SEMA4A: variants seen among roughly 807,000 people sequenced by gnomAD.
SEMA4A encodes semaphorin 4A, also known as semaphorin-4A.
In SEMA4A, 52 loss-of-function variants were observed where a neutral mutation model predicts 72.5. That is an observed-to-expected ratio of 0.72 (90% CI 0.57 to 0.90). The LOEUF is 0.90. Ranked by LOEUF, SEMA4A falls within the 40% of genes least tolerant of loss-of-function variation. SEMA4A has a pLI of 0.00. For missense variants in SEMA4A, 926 were observed against 959.7 expected, an observed-to-expected ratio of 0.96 and a Z score of 0.46; for synonymous variants, 369 against 393.1, an observed-to-expected ratio of 0.94 and a Z score of 0.73.
intron 10 of SEMA4A, among the ~76,000 whole-genome samples, chr1:156,164,164 A>C (rs1653950530): frequency 6.6e-6 from 1 of 152,184 alleles, no homozygotes; most frequent in Admixed American, 6.5e-5. Flanking sequence ...AATCAAATAG[A>C]TCTAAAATGA....
rs1444456471 is a variant in SEMA4A, at chr1:156,162,833, C to G, written c.984-111C>G. On this transcript the variant is annotated intron_variant, in intron 9 of 14. Transcript: ENST00000368285. ...GAAGGAGTGGTAGCTGGAGGCTGGC[C>G]CAGCTCTCCACACTCTTGCCTCCTG... 4 of 1,365,564 alleles carry G rather than the reference C, an allele frequency of 2.9e-6. No homozygotes were observed. In the Admixed American group the frequency reaches 6.9e-5, roughly 24 times the overall value. The allele number at this position is 1,365,564 out of a possible 1,614,324, so 84.6% of individuals were successfully genotyped here. A position where few individuals can be genotyped will look rare whatever the true frequency, so the allele number is the denominator to read the frequency against.
chr1:156,163,388 T>G, intron 10 of SEMA4A: 1 of 415,648 alleles, frequency 2.4e-6, no homozygotes, highest in Non-Finnish European at 4.5e-6. Flanking sequence ...AAGGACTGTC[T>G]TGGGCATTGC....
chr1:156,175,550 T>C lies in SEMA4A; in HGVS notation c.1593-6T>C, dbSNP rs1019235612. 1.9e-6 allele frequency: 3 copies of C among 1,609,790 alleles called. No individual in the cohort carries two copies. Among genetic ancestry groups the C allele is most frequent in the Admixed American group, 1.7e-5 (1 of 59,814 alleles). ...AGGATAATTTTTACTTTCTCTGCTC[T>C]CTTAGGAACTCCTGGAAGCAGGACA... On this transcript the variant is annotated splice_region_variant and splice_polypyrimidine_tract_variant and intron_variant, in intron 13 of 14. Transcript: ENST00000368285.
Position 156,160,485 on chromosome 1 carries a change from G to GT in SEMA4A, c.612dup (p.Glu205Ter). 6.2e-7 allele frequency: 1 copy of GT among 1,614,108 alleles called. No individual in the cohort carries two copies. Among genetic ancestry groups the GT allele is most frequent in the Non-Finnish European group, 8.5e-7 (1 of 1,180,006 alleles). On this transcript the variant is annotated frameshift_variant, in exon 7 of 15. Transcript: ENST00000368285. LOFTEE classifies it high-confidence loss of function. ...GGTACTATGAACAACTTCCTGGGCA[G>GT]TGAGCCCATCCTGATGCGCACACTG...
intron 10 of SEMA4A, among the ~76,000 whole-genome samples, chr1:156,164,837 G>A (rs1216685893): frequency 3.3e-5 from 5 of 151,732 alleles, no homozygotes; most frequent in African/African-American, 9.7e-5. Flanking sequence ...GTCTCACTCT[G>A]TCGCCCAAGC....
At chr1:156,174,799 C>A in intron 11 of SEMA4A, 23 bp from the exon 12 acceptor site, 1 of 1,614,108 alleles carries the variant, frequency 6.2e-7, no homozygotes, top group Non-Finnish European at 8.5e-7. Context: ...GAGATGACTT[C>A]CACTCTCTCT....
chr1:156,161,321 C>G (rs1490614483), intron 8 of SEMA4A, 25 bp from the exon 9 acceptor site: 3 of 1,551,716 alleles, frequency 1.9e-6, no homozygotes, highest in Non-Finnish European at 2.6e-6. Context: ...CCCGGGGCGC[C>G]CCCTGACTCC....
intron 10 of SEMA4A, among the ~76,000 whole-genome samples, chr1:156,170,798 G>A (rs1282065251): frequency 6.6e-6 from 1 of 151,688 alleles, no homozygotes; most frequent in African/African-American, 2.4e-5. Context: ...GCACACACCT[G>A]TGGTTCCAGC....
chr1:156,177,452 C>A lies in SEMA4A; in HGVS notation c.*455C>A, dbSNP rs1410894917. ...GAAGCTGCCGCTTTGGACACCAACA[C>A]TCCCTTCTCCCAGGGTCATGCAGGG... On this transcript the variant is annotated 3_prime_UTR_variant, in exon 15 of 15. Coordinates refer to ENST00000368285, the MANE Select transcript of SEMA4A (RefSeq NM_022367.4). 3.7e-6 allele frequency: 1 copy of A among 271,300 alleles called. No homozygotes were observed. Among genetic ancestry groups the A allele is most frequent in the Non-Finnish European group, 7.2e-6 (1 of 137,974 alleles). The allele number at this position is 271,300 out of a possible 1,614,324, so 16.8% of individuals were successfully genotyped here. A position where few individuals can be genotyped will look rare whatever the true frequency, so the allele number is the denominator to read the frequency against.
At chr1:156,169,005 T>A (rs191471329) in intron 10 of SEMA4A, among the ~76,000 whole-genome samples, 9 of 152,300 alleles carry the variant, frequency 5.9e-5, no homozygotes, top group Admixed American at 2.6e-4. Flanking sequence ...CCTGCTATCC[T>A]CCATCCAGAA....
chr1:156,159,031 C>CAA (rs34840198), intron 6 of SEMA4A: 1,852 of 286,610 alleles, frequency 6.5e-3, no homozygotes, highest in Middle Eastern at 0.011. Flanking sequence ...GAGATCGTCT[C>CAA]AAAAAAAAAA....
At position 156,174,957 on chromosome 1, in the gene SEMA4A, C is replaced by T; in HGVS notation, c.1434+17C>T. On this transcript the variant is annotated intron_variant, in intron 12 of 14. Transcript: ENST00000368285. ...CCCACCCAGGTGGGAAGGGACCTGACCATCAAATGGCCTTCCAGTGGGGCT... is the reference window on the plus strand; with the variant it reads ...CCCACCCAGGTGGGAAGGGACCTGATCATCAAATGGCCTTCCAGTGGGGCT... 6.2e-7 allele frequency: 1 copy of T among 1,614,232 alleles called. No homozygotes were observed. The highest frequency in any genetic ancestry group is 8.5e-7 in the Non-Finnish European group (1 of 1,180,036).
At chr1:156,173,522 A>C (rs1655005537) in intron 11 of SEMA4A, among the ~76,000 whole-genome samples, 1 of 152,034 alleles carries the variant, frequency 6.6e-6, no homozygotes, top group Admixed American at 6.6e-5. Context: ...AGATGGGTAG[A>C]AGAAGGGATA....
chr1:156,167,997 T>C (rs1470868562), intron 10 of SEMA4A, among the ~76,000 whole-genome samples: 1 of 152,204 alleles, frequency 6.6e-6, no homozygotes, highest in Non-Finnish European at 1.5e-5. Flanking sequence ...CTTAGCTCAC[T>C]GCAACCTCCA....
At chr1:156,175,308 T>A in intron 13 of SEMA4A, 65 bp downstream of exon 13, 4 of 1,532,348 alleles carry the variant, frequency 2.6e-6, no homozygotes, top group Non-Finnish European at 3.6e-6. Context: ...CAGCTTCTGC[T>A]ACTGTTCTTC....
chr1:156,174,932 C>T lies in SEMA4A; in HGVS notation c.1426C>T (p.Pro476Ser), dbSNP rs752357615. ...PEPVRNLQLA[P>S]TQGAVFVGFS... is the part of the protein sequence containing the mutation. ...ACCTGTTCGCAACCTGCAGCTGGCC[C>T]CCACCCAGGTGGGAAGGGACCTGAC... The change falls in exon 12 of 15, where the codon CCC (proline) becomes TCC (serine). Residue 476 changes from proline (P) to serine (S), a missense_variant. Transcript: ENST00000368285. The T allele has an allele frequency of 6.2e-7, 1 of 1,614,098 alleles. No individual in the cohort carries two copies.
Position 156,172,972 on chromosome 1 carries a change from T to G in SEMA4A, c.1281T>G (p.Asp427Glu). The change falls in exon 11 of 15, where the codon GAT becomes GAG. Residue 427 changes from aspartate (D) to glutamate (E), a missense_variant. Transcript: ENST00000368285. ...CAGTGGAGACAGCCCAGGGCCTTGA[T>G]GGGCACAGCCATCTTGTCATGTACC... ...RLAVETAQGL[D>E]GHSHLVMYLG... 1 of 1,614,104 alleles carries G rather than the reference T, an allele frequency of 6.2e-7. No individual in the cohort carries two copies. The highest frequency in any genetic ancestry group is 8.5e-7 in the Non-Finnish European group (1 of 1,179,942).
rs1459808683 is a variant in SEMA4A at position 156,158,794 on chromosome 1, C to T, written c.538C>T (p.Pro180Ser). The T allele has an allele frequency of 1.9e-6, 3 of 1,613,860 alleles. No individual in the cohort carries two copies. The highest frequency in any genetic ancestry group is 2.5e-6 in the Non-Finnish European group (3 of 1,179,950). The change falls in exon 6 of 15, where the codon CCC (proline) becomes TCC (serine). Residue 180 changes from proline to serine, a missense_variant. Coordinates refer to ENST00000368285, the MANE Select transcript of SEMA4A (RefSeq NM_022367.4). Reference sequence around the variant, plus strand: ...GGGAAAAGGCCAAAGCCCCTTTGACCCCGCTCACAAGCATACGGCTGTCTT... The same window carrying T: ...GGGAAAAGGCCAAAGCCCCTTTGACTCCGCTCACAAGCATACGGCTGTCTT... ...MEGKGQSPFDPAHKHTAVLVD... is the reference protein window; with the variant it reads ...MEGKGQSPFDSAHKHTAVLVD...
At position 156,161,033 on chromosome 1, in the gene SEMA4A, C is replaced by T. The variant is rs776462299; in HGVS notation, c.810+4C>T. ...GCGGGTGGCTAGAGTCTGCAAGGTCCGCGGCCTGGGCGGGGGGCGGGGCTA... is the reference window on the plus strand; with the variant it reads ...GCGGGTGGCTAGAGTCTGCAAGGTCTGCGGCCTGGGCGGGGGGCGGGGCTA... On this transcript the variant is annotated splice_donor_region_variant and intron_variant, in intron 8 of 14. Transcript: ENST00000368285. 5.0e-6 allele frequency: 8 copies of T among 1,606,312 alleles called. No individual in the cohort carries two copies. Among genetic ancestry groups the T allele is most frequent in the South Asian group, 1.1e-5 (1 of 90,608 alleles).
Sources: allele counts gnomAD v4.1 joint callset (sites outside exome capture counted in the v4.1 genomes callset), GRCh38; gene constraint gnomAD v4.1.1; transcripts MANE v1.5; gene names NCBI Gene and HGNC (gene_info 2026-07-23, HGNC 2026-07-21).